TTC7A: variants seen among roughly 807,000 people sequenced by gnomAD.
TTC7A encodes the protein tetratricopeptide repeat domain 7A.
Under a neutral mutation model 103.7 loss-of-function variants are expected in TTC7A, and 110 were observed. The ratio of observed to expected loss-of-function variants is 1.06; its 90% CI spans 0.91 to 1.24. The LOEUF (loss-of-function observed/expected upper bound fraction) is 1.24. Ranked by LOEUF, TTC7A falls within the 50% of genes most tolerant of loss-of-function variation. The probability of loss-of-function intolerance (pLI) is 0.00; values close to 1 mark genes in which losing one functional copy is unlikely to be tolerated. For missense variants in TTC7A, 1,340 were observed against 1,116.3 expected, an observed-to-expected ratio of 1.20 and a Z score of -2.86; for synonymous variants, 521 against 467.9, an observed-to-expected ratio of 1.11 and a Z score of -1.47.
At chr2:46,932,156 T>C (rs571719434) in intron 2 of TTC7A, among the ~76,000 whole-genome samples, 75 of 151,252 alleles carry the variant, frequency 5.0e-4, no homozygotes, top group Non-Finnish European at 9.0e-4. Context: ...TGGGATTCTT[T>C]TTTTTTTTTT....
At chr2:46,980,031 T>G (rs1674281195) in intron 5 of TTC7A, among the ~76,000 whole-genome samples, 3 of 152,222 alleles carry the variant, frequency 2.0e-5, no homozygotes, top group Non-Finnish European at 4.4e-5. Flanking sequence ...TCACACAGCT[T>G]TCTTGTCACT....
At chr2:46,935,302 C>G (rs1223776965) in intron 2 of TTC7A, among the ~76,000 whole-genome samples, 5 of 152,134 alleles carry the variant, frequency 3.3e-5, no homozygotes, top group East Asian at 1.9e-4. Context: ...GAGTTCAAGG[C>G]TGCAGTGAAC....
intron 2 of TTC7A, among the ~76,000 whole-genome samples, chr2:46,934,918 A>G (rs1165901866): frequency 2.0e-5 from 3 of 146,558 alleles, no homozygotes; most frequent in Non-Finnish European, 4.4e-5. Context: ...CTCTTGCCTC[A>G]GCCTCCTGAG....
chr2:46,949,405 G>A (rs993272240), intron 1 of TTC7A, among the ~76,000 whole-genome samples: 6 of 151,962 alleles, frequency 3.9e-5, no homozygotes, highest in Admixed American at 2.0e-4. Flanking sequence ...GCTAATTTTT[G>A]CATTTTTAGT....
At chr2:46,923,880 C>T (rs367579829) in intron 2 of TTC7A, among the ~76,000 whole-genome samples, 12 of 152,014 alleles carry the variant, frequency 7.9e-5, no homozygotes, top group African/African-American at 2.7e-4. Flanking sequence ...TTACAGGCGC[C>T]TGCCACCACG....
At position 46,947,231 on chromosome 2, in the gene TTC7A, A is replaced by G. The variant is rs538994181; in HGVS notation, c.185-3132A>G. 4.9e-4 allele frequency among the ~76,000 whole-genome samples: 74 copies of G among 152,288 alleles called. 1 individual carries two copies. The South Asian group carries it at 0.014, about 29-fold the overall frequency. ...TGTTACTGGCTGTGACCCTAACAAT[A>G]TTGCATATCTTTATTATCATCTATA... is the stretch of plus-strand genomic sequence containing the variant. On this transcript the variant is annotated intron_variant, in intron 1 of 19. Coordinates refer to ENST00000319190, the MANE Select transcript of TTC7A (RefSeq NM_020458.4).
At chr2:47,009,988 GT>G (rs1677867827) in intron 10 of TTC7A, among the ~76,000 whole-genome samples, 1 of 151,938 alleles carries the variant, frequency 6.6e-6, no homozygotes, top group African/African-American at 2.4e-5. Context: ...GCAGTGTAGG[GT>G]AGTGGTTAGA....
intron 8 of TTC7A, among the ~76,000 whole-genome samples, chr2:46,998,452 C>A (rs1452215848): frequency 6.6e-6 from 1 of 152,128 alleles, no homozygotes; most frequent in African/African-American, 2.4e-5. Flanking sequence ...ACTCTACCAG[C>A]CTCCCAAGCT....
chr2:46,993,616 A>AG (rs1675851175), intron 6 of TTC7A, 88 bp downstream of exon 6: 4 of 1,274,676 alleles, frequency 3.1e-6, no homozygotes, highest in Non-Finnish European at 4.6e-6. Flanking sequence ...CCTGTGAAGC[A>AG]GGGGTGGCAG....
intron 8 of TTC7A, among the ~76,000 whole-genome samples, chr2:46,997,207 G>C (rs368743765): frequency 6.6e-6 from 1 of 151,986 alleles, no homozygotes; most frequent in African/African-American, 2.4e-5. Context: ...ATGAACTCTT[G>C]ACCTCAGGTG....
At chr2:46,958,813 A>C (rs1672128996) in intron 3 of TTC7A, among the ~76,000 whole-genome samples, 2 of 152,182 alleles carry the variant, frequency 1.3e-5, no homozygotes, top group South Asian at 4.1e-4. Flanking sequence ...GGGTCTTCCC[A>C]TGCAGAGTAG....
intron 11 of TTC7A, among the ~76,000 whole-genome samples, chr2:47,015,731 A>G (rs1678583130): frequency 6.6e-6 from 1 of 152,178 alleles, no homozygotes; most frequent in East Asian, 1.9e-4. Flanking sequence ...CACAAAAAGG[A>G]TGCGCCTTGA....
chr2:47,050,201 TTGGCTCTGGGTAGGGGCTGGC>T, intron 17 of TTC7A, 155 bp downstream of exon 17: 1 of 658,798 alleles, frequency 1.5e-6, no homozygotes, highest in East Asian at 2.8e-5. Context: ...GGGGCTGATC[TTGGCTCTGGGTAGGGGCTGGC>T]TGCTGGTCCC....
chr2:46,941,851 A>C lies in TTC7A; in HGVS notation c.184+126A>C. On this transcript the variant is annotated intron_variant, in intron 1 of 19. Transcript: ENST00000319190. The surrounding 1 kb of genome is among the most constrained non-coding windows in gnomAD (Gnocchi z 4.2). Reference sequence around the variant, plus strand: ...CTGCCAGCCCACCGTGCTAGTCTTAAGAGCAGCCAGGGCAGTTAGGAAGGT... The same window carrying C: ...CTGCCAGCCCACCGTGCTAGTCTTACGAGCAGCCAGGGCAGTTAGGAAGGT... 1 of 1,251,836 alleles carries C rather than the reference A, an allele frequency of 8.0e-7. No individual in the cohort carries two copies. The highest frequency in any genetic ancestry group is 1.4e-5 in the South Asian group (1 of 69,844). The allele number at this position is 1,251,836 out of a possible 1,614,324, so 77.5% of individuals were successfully genotyped here.
chr2:47,048,396 G>C (rs956598827), intron 16 of TTC7A, among the ~76,000 whole-genome samples: 4 of 152,158 alleles, frequency 2.6e-5, no homozygotes, highest in Admixed American at 2.6e-4. Flanking sequence ...GCTGCACCCA[G>C]CCCTGCTCCA....
At chr2:46,927,517 C>T (rs7570279) in intron 2 of TTC7A, among the ~76,000 whole-genome samples, 11,904 of 151,832 alleles carry the variant, frequency 0.078, 824 homozygotes, top group African/African-American at 0.18. Flanking sequence ...CCACCACGCC[C>T]GGCTAATTTT....
At chr2:46,972,759 G>C (rs1673484673) in intron 3 of TTC7A, among the ~76,000 whole-genome samples, 1 of 152,236 alleles carries the variant, frequency 6.6e-6, no homozygotes, top group African/African-American at 2.4e-5. Flanking sequence ...TGGGAAGTGT[G>C]CATGTAAAAT....
intron 17 of TTC7A, 134 bp from the exon 18 acceptor site, chr2:47,051,611 TG>T: frequency 8.6e-7 from 1 of 1,165,532 alleles, no homozygotes; most frequent in Non-Finnish European, 1.2e-6. Context: ...AGCTGCTTTC[TG>T]GCTGCCCAGC....
At chr2:47,013,591 G>A (rs753636211) in intron 11 of TTC7A, among the ~76,000 whole-genome samples, 3 of 152,164 alleles carry the variant, frequency 2.0e-5, no homozygotes, top group South Asian at 2.1e-4. Flanking sequence ...CCCAGCCAAC[G>A]GCCGCCCTTG....
Sources: allele counts gnomAD v4.1 joint callset (sites outside exome capture counted in the v4.1 genomes callset), GRCh38; gene constraint gnomAD v4.1.1; non-coding constraint Gnocchi (gnomAD v3.1); transcripts MANE v1.5; gene names NCBI Gene and HGNC (gene_info 2026-07-23, HGNC 2026-07-21).